Variants in COBL observed in about 807,000 individuals in gnomAD.
The protein encoded by COBL is protein cordon-bleu.
COBL carries 51 observed loss-of-function variants against 98.8 expected under a neutral mutation model. The observed-to-expected ratio is 0.52, with a 90% CI of 0.41 to 0.65. The LOEUF (loss-of-function observed/expected upper bound fraction) is 0.65, where lower values mean the gene tolerates loss of function less well. Among genes scored for constraint, COBL ranks in the 30% least tolerant of loss-of-function variants. The probability of loss-of-function intolerance (pLI) is 0.00; values close to 1 mark genes in which losing one functional copy is unlikely to be tolerated. For missense variants in COBL, 1,617 were observed against 1,617.5 expected, an observed-to-expected ratio of 1.00 and a Z score of 0.01; for synonymous variants, 634 against 651.7, an observed-to-expected ratio of 0.97 and a Z score of 0.41.
At chr7:51,164,537 A>G (rs1387663330) in intron 5 of COBL, among the ~76,000 whole-genome samples, 6 of 152,172 alleles carry the variant, frequency 3.9e-5, no homozygotes, top group African/African-American at 1.4e-4. Context: ...TCCTTCGGAC[A>G]TAAAGGAGAA....
chr7:51,041,510 G>T (rs1789195452), intron 8 of COBL, among the ~76,000 whole-genome samples: 1 of 106,578 alleles, frequency 9.4e-6, no homozygotes, highest in Admixed American at 1.4e-4. Context: ...TTGAGACAGA[G>T]TCTCACTCTG....
At chr7:51,111,305 C>T (rs1423698791) in intron 6 of COBL, among the ~76,000 whole-genome samples, 3 of 152,142 alleles carry the variant, frequency 2.0e-5, no homozygotes, top group Non-Finnish European at 4.4e-5. Context: ...CATAAGCATC[C>T]CCTTTCTCCA....
At chr7:51,039,491 TGCTGCCTAG>T (rs1379411694) in intron 8 of COBL, among the ~76,000 whole-genome samples, 37 of 152,244 alleles carry the variant, frequency 2.4e-4, no homozygotes, top group Non-Finnish European at 4.1e-4. Context: ...ACCACCCCTG[TGCTGCCTAG>T]GCTTTCGACA....
At chr7:51,120,459 T>A (rs886685678) in intron 6 of COBL, among the ~76,000 whole-genome samples, 3 of 152,206 alleles carry the variant, frequency 2.0e-5, no homozygotes, top group African/African-American at 7.2e-5. Flanking sequence ...GTTAAATAAT[T>A]TTTTAAATTT....
intron 2 of COBL, among the ~76,000 whole-genome samples, 166 bp downstream of exon 2, chr7:51,219,575 G>A (rs887678161): frequency 6.6e-6 from 1 of 152,220 alleles, no homozygotes; most frequent in Non-Finnish European, 1.5e-5. Context: ...AAGACAGACA[G>A]TTCAGCCTGC....
At chr7:51,115,216 T>C (rs540836855) in intron 6 of COBL, among the ~76,000 whole-genome samples, 3 of 152,188 alleles carry the variant, frequency 2.0e-5, no homozygotes, top group African/African-American at 7.2e-5. Flanking sequence ...TGGTTGATCA[T>C]GTGAAAGACA....
At chr7:51,222,518 T>C (rs368335239) in intron 1 of COBL, among the ~76,000 whole-genome samples, 2 of 152,140 alleles carry the variant, frequency 1.3e-5, no homozygotes, top group Non-Finnish European at 2.9e-5. Flanking sequence ...TGAAGACAAT[T>C]TGGTTTCAAA....
At chr7:51,136,449 T>C in intron 5 of COBL, 118 bp from the exon 6 acceptor site, 1 of 1,086,734 alleles carries the variant, frequency 9.2e-7, no homozygotes. Context: ...GGCAGCTGTT[T>C]CTACAGTCAG....
intron 7 of COBL, among the ~76,000 whole-genome samples, chr7:51,061,246 G>A (rs566835659): frequency 2.2e-4 from 33 of 152,110 alleles, no homozygotes; most frequent in Middle Eastern, 3.4e-3. Flanking sequence ...GTGTGTGTGT[G>A]TATATATGTA....
At chr7:51,185,019 T>A (rs956822463) in intron 4 of COBL, among the ~76,000 whole-genome samples, 2 of 152,226 alleles carry the variant, frequency 1.3e-5, no homozygotes, top group Admixed American at 6.5e-5. Flanking sequence ...TTACATTCTC[T>A]AGGGGAGCAA....
At chr7:51,179,322 C>T (rs369567829) in intron 5 of COBL, among the ~76,000 whole-genome samples, 6 of 152,028 alleles carry the variant, frequency 3.9e-5, no homozygotes, top group Admixed American at 1.3e-4. Flanking sequence ...CTGCAACCTT[C>T]GCCTCCCAGG....
chr7:51,185,037 CTTCT>C (rs1342748419), intron 4 of COBL, among the ~76,000 whole-genome samples: 2 of 152,154 alleles, frequency 1.3e-5, no homozygotes, highest in Non-Finnish European at 2.9e-5. Context: ...CAATTGTTTT[CTTCT>C]TTCTTTTTCC....
At chr7:51,186,232 C>A (rs1251467422) in intron 4 of COBL, among the ~76,000 whole-genome samples, 2 of 151,232 alleles carry the variant, frequency 1.3e-5, no homozygotes, top group African/African-American at 4.9e-5. Context: ...CATGGACCAA[C>A]GGATGCTCAC....
At chr7:51,136,695 C>T (rs1799271304) in intron 5 of COBL, among the ~76,000 whole-genome samples, 1 of 152,142 alleles carries the variant, frequency 6.6e-6, no homozygotes, top group Non-Finnish European at 1.5e-5. Flanking sequence ...CTCTTAGACA[C>T]TAAAAAGAGG....
At chr7:51,220,249 C>T (rs758149065) in intron 1 of COBL, among the ~76,000 whole-genome samples, 1 of 152,124 alleles carries the variant, frequency 6.6e-6, no homozygotes, top group South Asian at 2.1e-4. Context: ...GGGTTTCGCC[C>T]GACCCTTTCT....
chr7:51,226,548 A>AGTGAGTGAGTG (rs201062705), intron 1 of COBL, among the ~76,000 whole-genome samples: 13 of 61,232 alleles, frequency 2.1e-4, no homozygotes, highest in South Asian at 7.1e-4. Context: ...GTGAGTGAGT[A>AGTGAGTGAGTG]AGTGAGTGAC....
At chr7:51,156,297 C>T (rs1327835750) in intron 5 of COBL, 4 of 984,954 alleles carry the variant, frequency 4.1e-6, no homozygotes, top group South Asian at 4.7e-5. Context: ...TTTTTATCTC[C>T]CCATGATGTC....
chr7:51,107,179 C>T (rs1232618010), intron 6 of COBL, among the ~76,000 whole-genome samples: 1 of 150,250 alleles, frequency 6.7e-6, no homozygotes, highest in Non-Finnish European at 1.5e-5. Flanking sequence ...ACTGCAACCT[C>T]CACCTCCCAG....
At chr7:51,046,224 C>A in intron 7 of COBL, among the ~76,000 whole-genome samples, 1 of 152,158 alleles carries the variant, frequency 6.6e-6, no homozygotes, top group East Asian at 1.9e-4. Context: ...GGCAGACCTC[C>A]CCACAGTGAT....
Sources: allele counts gnomAD v4.1 joint callset (sites outside exome capture counted in the v4.1 genomes callset), GRCh38; gene constraint gnomAD v4.1.1; transcripts MANE v1.5; gene names NCBI Gene and HGNC (gene_info 2026-07-23, HGNC 2026-07-21).